CDH12: variants seen among roughly 807,000 people sequenced by gnomAD.
The protein encoded by CDH12 is cadherin-12.
CDH12 carries 41 observed loss-of-function variants against 74.1 expected under a neutral mutation model. The observed-to-expected ratio is 0.55, with a 90% CI of 0.43 to 0.72. The LOEUF is 0.72. Ranked by LOEUF, CDH12 falls within the 30% of genes least tolerant of loss-of-function variation. The pLI, the probability that CDH12 is intolerant of heterozygous loss-of-function variation, is 0.00. For missense variants in CDH12, 945 were observed against 977.2 expected, an observed-to-expected ratio of 0.97 and a Z score of 0.44; for synonymous variants, 399 against 355.0, an observed-to-expected ratio of 1.12 and a Z score of -1.39.
In CDH12 at chr5:22,574,706, T is replaced by G. The variant is rs188445146; in HGVS notation, c.-522-69342A>C. 1.1e-3 allele frequency among the ~76,000 whole-genome samples: 160 copies of G among 152,296 alleles called. 2 individuals are homozygous for G. The South Asian group carries it at 0.031, about 29-fold the overall frequency. ...TGCCTTCAGGAGACTGACTTAACTT[T>G]CCTTCTCTTCCTCTTAACTCAAATG... On this transcript the variant is annotated intron_variant, in intron 1 of 14. Coordinates refer to ENST00000382254, the MANE Select transcript of CDH12 (RefSeq NM_004061.5).
intron 4 of CDH12, among the ~76,000 whole-genome samples, chr5:22,206,762 C>T (rs955170334): frequency 6.4e-5 from 9 of 141,730 alleles, no homozygotes; most frequent in Non-Finnish European, 1.2e-4. Flanking sequence ...AATACTTTTG[C>T]ATATATACAC....
intron 7 of CDH12, among the ~76,000 whole-genome samples, chr5:21,843,362 C>G (rs886428077): frequency 6.6e-6 from 1 of 152,114 alleles, no homozygotes; most frequent in Non-Finnish European, 1.5e-5. Flanking sequence ...CAACATACAT[C>G]CTTGTTTTAT....
intron 4 of CDH12, among the ~76,000 whole-genome samples, chr5:22,099,180 C>T (rs886187367): frequency 1.3e-5 from 2 of 152,112 alleles, no homozygotes; most frequent in Admixed American, 1.3e-4. Context: ...CCACCACTGT[C>T]ATTTCTTCCC....
At position 22,305,412 on chromosome 5, in the gene CDH12, T is replaced by A. The variant is rs547178862; in HGVS notation, c.-332-92769A>T. 7.3e-4 allele frequency among the ~76,000 whole-genome samples: 111 copies of A among 152,204 alleles called. 1 individual carries two copies. The highest frequency in any genetic ancestry group is 1.8e-3 in the Admixed American group (28 of 15,290). On this transcript the variant is annotated intron_variant, in intron 3 of 14. Transcript: ENST00000382254. ...AGATAGTGTCTGTGTATATTTTTTTTAAAAAGAAACTACTCTCATCTGTTA... is the reference window on the plus strand; with the variant it reads ...AGATAGTGTCTGTGTATATTTTTTTAAAAAAGAAACTACTCTCATCTGTTA...
intron 3 of CDH12, among the ~76,000 whole-genome samples, chr5:22,337,802 A>C (rs1318843286): frequency 1.3e-5 from 2 of 152,232 alleles, no homozygotes; most frequent in Non-Finnish European, 2.9e-5. Flanking sequence ...CAATTTGCAA[A>C]CAGGTATATG....
intron 6 of CDH12, among the ~76,000 whole-genome samples, chr5:21,933,266 T>C (rs893511291): frequency 1.3e-5 from 2 of 152,160 alleles, no homozygotes; most frequent in African/African-American, 4.8e-5. Context: ...ACATCAGTTA[T>C]CTCTTTTTTA....
At chr5:22,431,966 G>A (rs1437095712) in intron 2 of CDH12, among the ~76,000 whole-genome samples, 1 of 152,036 alleles carries the variant, frequency 6.6e-6, no homozygotes, top group Non-Finnish European at 1.5e-5. Flanking sequence ...TAACTTTGGT[G>A]TTCATCAAGT....
At chr5:22,438,072 G>A (rs1396003371) in intron 2 of CDH12, among the ~76,000 whole-genome samples, 1 of 151,772 alleles carries the variant, frequency 6.6e-6, no homozygotes, top group East Asian at 1.9e-4. Flanking sequence ...CAGAATCTAT[G>A]GCAAATTTGG....
chr5:22,701,785 G>T (rs543523127), intron 1 of CDH12, among the ~76,000 whole-genome samples: 1 of 152,146 alleles, frequency 6.6e-6, no homozygotes, highest in East Asian at 1.9e-4. Context: ...TTCCCTTCCT[G>T]GTTCTCCACA....
chr5:22,194,564 T>C (rs2150349340), intron 4 of CDH12, among the ~76,000 whole-genome samples: 1 of 152,192 alleles, frequency 6.6e-6, no homozygotes, highest in South Asian at 2.1e-4. Context: ...ACTCTTGATC[T>C]CAAGAGATCC....
At chr5:22,550,014 C>T (rs1169630152) in intron 1 of CDH12, among the ~76,000 whole-genome samples, 2 of 152,186 alleles carry the variant, frequency 1.3e-5, no homozygotes, top group Non-Finnish European at 2.9e-5. Context: ...TTACCAAGTG[C>T]TGTAGCCATG....
intron 6 of CDH12, among the ~76,000 whole-genome samples, chr5:21,920,206 T>C (rs574845223): frequency 6.6e-6 from 1 of 152,282 alleles, no homozygotes; most frequent in Non-Finnish European, 1.5e-5. Flanking sequence ...GATACATCCA[T>C]GAATAAAGCA....
At chr5:22,090,429 T>C (rs1413733832) in intron 4 of CDH12, among the ~76,000 whole-genome samples, 1 of 150,822 alleles carries the variant, frequency 6.6e-6, no homozygotes, top group East Asian at 1.9e-4. Context: ...ACAAGATGTC[T>C]TCACTGTTGA....
At chr5:22,103,319 A>G (rs1744255391) in intron 4 of CDH12, among the ~76,000 whole-genome samples, 1 of 122,520 alleles carries the variant, frequency 8.2e-6, no homozygotes, top group Admixed American at 8.3e-5. Context: ...TAGGTGAAAA[A>G]TAGGTTAACA....
intron 3 of CDH12, among the ~76,000 whole-genome samples, chr5:22,318,985 A>C (rs1738748417): frequency 1.3e-5 from 2 of 152,214 alleles, no homozygotes; most frequent in South Asian, 4.1e-4. Flanking sequence ...GGAAAAAAGC[A>C]TAAGATTGTT....
At chr5:22,208,575 G>A (rs901809078) in intron 4 of CDH12, among the ~76,000 whole-genome samples, 1 of 152,070 alleles carries the variant, frequency 6.6e-6, no homozygotes, top group African/African-American at 2.4e-5. Context: ...GCTCCACATG[G>A]CATTTCAAAT....
At chr5:21,956,631 C>T (rs1580014572) in intron 6 of CDH12, among the ~76,000 whole-genome samples, 1 of 152,010 alleles carries the variant, frequency 6.6e-6, no homozygotes, top group South Asian at 2.1e-4. Context: ...CTATGGACAC[C>T]AAGGCTATTG....
chr5:22,834,482 T>C (rs979166811), intron 1 of CDH12, among the ~76,000 whole-genome samples: 5 of 152,128 alleles, frequency 3.3e-5, no homozygotes, highest in Non-Finnish European at 5.9e-5. Flanking sequence ...AAAACGATGT[T>C]TTCTTTCACT....
intron 5 of CDH12, among the ~76,000 whole-genome samples, chr5:22,003,514 T>C (rs1736731900): frequency 6.6e-6 from 1 of 152,212 alleles, no homozygotes; most frequent in African/African-American, 2.4e-5. Flanking sequence ...GTAAACATTG[T>C]TAATGGAAAT....
Sources: allele counts gnomAD v4.1 joint callset (sites outside exome capture counted in the v4.1 genomes callset), GRCh38; gene constraint gnomAD v4.1.1; transcripts MANE v1.5; gene names NCBI Gene and HGNC (gene_info 2026-07-23, HGNC 2026-07-21).